Variants in GDA observed in about 807,000 individuals in gnomAD.
The protein encoded by GDA is guanine deaminase, also known as cytoplasmic PSD-95 interactor.
A neutral mutation model predicts 59.6 loss-of-function variants in GDA; 18 were observed. That is an observed-to-expected ratio of 0.30 (90% CI 0.21 to 0.45). The LOEUF is 0.45. GDA is among the 20% of genes least tolerant of loss of function. GDA has a pLI of 1.00. For synonymous variants in GDA, 201 were observed against 201.1 expected (o/e 1.00, Z 0.00); for missense variants, 427 against 552.3 (o/e 0.77, Z 2.27).
chr9:72,193,446 T>C (rs955657510), intron 1 of GDA, among the ~76,000 whole-genome samples: 8 of 152,220 alleles, frequency 5.3e-5, no homozygotes, highest in Non-Finnish European at 8.8e-5. Context: ...GCAAAAAGAC[T>C]CTTGTTCTCT....
intron 2 of GDA, among the ~76,000 whole-genome samples, chr9:72,199,649 G>A (rs918796159): frequency 1.3e-5 from 2 of 152,238 alleles, no homozygotes; most frequent in Admixed American, 1.3e-4. Flanking sequence ...TAGAGACTCA[G>A]TGACTACTTT....
At chr9:72,174,656 A>G (rs1830345092) in intron 1 of GDA, among the ~76,000 whole-genome samples, 1 of 152,082 alleles carries the variant, frequency 6.6e-6, no homozygotes, top group Admixed American at 6.6e-5. Flanking sequence ...AAACTGCTTC[A>G]TGAATGATGT....
chr9:72,233,969 T>C (rs1483223457), intron 10 of GDA, among the ~76,000 whole-genome samples: 3 of 152,118 alleles, frequency 2.0e-5, no homozygotes, highest in African/African-American at 7.2e-5. Flanking sequence ...GAAAGAATTG[T>C]ATGAGGATGT....
At chr9:72,122,928 A>G (rs1184629519) in intron 1 of GDA, among the ~76,000 whole-genome samples, 1 of 152,110 alleles carries the variant, frequency 6.6e-6, no homozygotes, top group Non-Finnish European at 1.5e-5. Flanking sequence ...GATGTCCATG[A>G]CCTTTCAGAA....
At chr9:72,254,565 G>A (rs1840844493), downstream of GDA, among the ~76,000 whole-genome samples, 1 of 152,144 alleles carries the variant, frequency 6.6e-6, no homozygotes, top group Non-Finnish European at 1.5e-5. Context: ...GTCTGTAGAA[G>A]GAGAACCCAA....
intron 1 of GDA, among the ~76,000 whole-genome samples, chr9:72,171,597 T>C (rs4503167): frequency 0.16 from 23,971 of 152,054 alleles, 1,955 homozygotes; most frequent in African/African-American, 0.2. Flanking sequence ...ATAGTGACCA[T>C]TGGGGCCACC....
intron 10 of GDA, among the ~76,000 whole-genome samples, chr9:72,237,869 C>T (rs1839196334): frequency 1.3e-5 from 2 of 152,120 alleles, no homozygotes; most frequent in Admixed American, 6.6e-5. Flanking sequence ...GAACCATCCC[C>T]TTTCCCCTCA....
intron 1 of GDA, among the ~76,000 whole-genome samples, chr9:72,164,455 G>T (rs1335683787): frequency 6.6e-6 from 1 of 152,114 alleles, no homozygotes; most frequent in Admixed American, 6.5e-5. Flanking sequence ...CAGGGAGAGG[G>T]TGGCAATCAG....
At chr9:72,245,017 T>C (rs571007086) in intron 11 of GDA, 131 bp from the exon 12 acceptor site, 43 of 759,792 alleles carry the variant, frequency 5.7e-5, no homozygotes, top group South Asian at 5.2e-4. Context: ...TGATTTTCTG[T>C]CTCACTGTTA....
chr9:72,214,803 A>T, intron 5 of GDA: 1 of 272,812 alleles, frequency 3.7e-6, no homozygotes, highest in Non-Finnish European at 7.1e-6. Flanking sequence ...GCGCGATCTC[A>T]GCTCACTGAA....
intron 1 of GDA, among the ~76,000 whole-genome samples, chr9:72,130,441 C>T (rs901134947): frequency 2.0e-5 from 3 of 152,174 alleles, no homozygotes; most frequent in African/African-American, 7.2e-5. Flanking sequence ...CCATTAAGAA[C>T]ATTACATAAG....
chr9:72,169,721 T>C (rs1171260892), intron 1 of GDA, among the ~76,000 whole-genome samples: 1 of 152,228 alleles, frequency 6.6e-6, no homozygotes, highest in Non-Finnish European at 1.5e-5. Flanking sequence ...CATTTTGCGT[T>C]TCTGTTATCA....
intron 2 of GDA, among the ~76,000 whole-genome samples, chr9:72,197,717 A>G (rs960527453): frequency 6.6e-6 from 1 of 152,218 alleles, no homozygotes; most frequent in African/African-American, 2.4e-5. Flanking sequence ...AAGTCTTTGA[A>G]GAAAGATTAT....
At chr9:72,137,853 A>G (rs1826298629) in intron 1 of GDA, among the ~76,000 whole-genome samples, 1 of 152,172 alleles carries the variant, frequency 6.6e-6, no homozygotes, top group South Asian at 2.1e-4. Flanking sequence ...AATTAAATAA[A>G]GAGGAGAGAA....
chr9:72,129,491 G>A lies in GDA; in HGVS notation c.-100+14658G>A, dbSNP rs17057456. Among the ~76,000 whole-genome samples the A allele has an allele frequency of 7.6e-3, 1,155 of 152,276 alleles. 11 individuals are homozygous for A. Among genetic ancestry groups the A allele is most frequent in the African/African-American group, 0.027 (1,121 of 41,556 alleles). On this transcript the variant is annotated intron_variant, in intron 1 of 13. Coordinates refer to the GDA transcript ENST00000545168. ...TACAGTCCAAGTTAGGACTCAATGG[G>A]TGTTGAATCACACATAGGATAAGGC...
chr9:72,129,023 C>A (rs1054432018), intron 1 of GDA, among the ~76,000 whole-genome samples: 24 of 151,794 alleles, frequency 1.6e-4, no homozygotes, highest in African/African-American at 5.1e-4. Flanking sequence ...AGTGAAGTGG[C>A]CTGATCTGGG....
At chr9:72,142,246 T>C (rs1029986751) in intron 1 of GDA, among the ~76,000 whole-genome samples, 2 of 152,226 alleles carry the variant, frequency 1.3e-5, no homozygotes, top group African/African-American at 2.4e-5. Flanking sequence ...TGTCTTGTAC[T>C]AGTTTTCTTG....
At chr9:72,135,883 T>C (rs1826207220) in intron 1 of GDA, among the ~76,000 whole-genome samples, 1 of 152,036 alleles carries the variant, frequency 6.6e-6, no homozygotes, top group South Asian at 2.1e-4. Flanking sequence ...AGTGCTGGGA[T>C]TACAGGCATG....
Position 72,202,718 on chromosome 9 carries a change from A to G in GDA, c.360A>G (p.Ala120=). The change falls in exon 3 of 14, where the codon GCA becomes GCG. Residue 120 remains alanine (A), a synonymous_variant. Transcript: ENST00000358399. ...AEHRFQNIDF[A]EEVYTRVVRR... is the part of the protein sequence containing the mutation. ...ACAGATTCCAGAACATCGACTTTGC[A>G]GAAGAAGTATATACCAGAGTTGTCG... is the stretch of plus-strand genomic sequence containing the variant. 1.2e-6 allele frequency: 2 copies of G among 1,613,520 alleles called. No individual in the cohort carries two copies. The highest frequency in any genetic ancestry group is 1.7e-6 in the Non-Finnish European group (2 of 1,179,800).
Sources: allele counts gnomAD v4.1 joint callset (sites outside exome capture counted in the v4.1 genomes callset), GRCh38; gene constraint gnomAD v4.1.1; transcripts MANE v1.5; gene names NCBI Gene and HGNC (gene_info 2026-07-23, HGNC 2026-07-21).